The following PCDH15 variants were observed in gnomAD, a reference collection of about 807,000 sequenced individuals.
The protein encoded by PCDH15 is protocadherin-15.
Under a neutral mutation model 178.5 loss-of-function variants are expected in PCDH15, and 129 were observed. That is an observed-to-expected ratio of 0.72 (90% confidence interval 0.63 to 0.84). PCDH15 has a LOEUF of 0.84. PCDH15 is among the 40% of genes least tolerant of loss of function. The pLI, the probability that PCDH15 is intolerant of heterozygous loss-of-function variation, is 0.00. For synonymous variants in PCDH15, 800 were observed against 732.0 expected (o/e 1.09, Z -1.50); for missense variants, 2,230 against 2,099.9 (o/e 1.06, Z -1.21).
At chr10:55,493,638 G>A (rs908986197) in intron 2 of PCDH15, among the ~76,000 whole-genome samples, 18 of 151,690 alleles carry the variant, frequency 1.2e-4, no homozygotes, top group Non-Finnish European at 2.2e-4. Flanking sequence ...AGAAATATGT[G>A]ATCAAAAACT....
In PCDH15 at chr10:55,062,548, A is replaced by T. The variant is rs150353570; in HGVS notation, c.-80+104028T>A. Among the ~76,000 whole-genome samples, 365 of 152,294 alleles carry T rather than the reference A, an allele frequency of 2.4e-3. 2 individuals are homozygous for T. The highest frequency in any genetic ancestry group is 8.3e-3 in the African/African-American group (344 of 41,558). On this transcript the variant is annotated intron_variant, in intron 2 of 5. Coordinates refer to the PCDH15 transcript ENST00000458638. The stretch of plus-strand genomic sequence containing the variant: ...TGCTGGGAATGTCAAAACTATGGAG[A>T]CAGTGAAATGATCAGTAATTGCCTG...
intron 13 of PCDH15, among the ~76,000 whole-genome samples, chr10:54,161,196 T>C (rs2133441058): frequency 6.6e-6 from 1 of 152,348 alleles, no homozygotes; most frequent in East Asian, 1.9e-4. Flanking sequence ...AGATGGATTC[T>C]ATTAAGTAAC....
rs546520594 is a variant in PCDH15, at chr10:55,176,270, T to C, written c.-155-9619A>G. On this transcript the variant is annotated intron_variant, in intron 1 of 5. Coordinates refer to the PCDH15 transcript ENST00000458638. ...CATTAGTTGTAGTTGGGAAAACCTC[T>C]TGTTTACTCCTGCCTTTTAAATCAT... Among the ~76,000 whole-genome samples, 6 of 152,088 alleles carry C rather than the reference T, an allele frequency of 3.9e-5. 1 individual carries two copies. Among genetic ancestry groups the C allele is most frequent in the Middle Eastern group, 6.4e-3 (2 of 314 alleles).
intron 8 of PCDH15, among the ~76,000 whole-genome samples, chr10:54,298,760 G>T (rs1350216001): frequency 6.6e-6 from 1 of 152,156 alleles, no homozygotes; most frequent in South Asian, 2.1e-4. Flanking sequence ...ACTTCCTCCT[G>T]GACACTGGCA....
chr10:54,260,188 T>C (rs2057206282), intron 8 of PCDH15, among the ~76,000 whole-genome samples: 1 of 152,192 alleles, frequency 6.6e-6, no homozygotes, highest in Non-Finnish European at 1.5e-5. Context: ...GAATTTGATC[T>C]CTTAAAATTT....
intron 35 of PCDH15, 35 bp from the exon 36 acceptor site, chr10:53,811,654 G>T (rs868737139): frequency 1.4e-6 from 2 of 1,381,288 alleles, no homozygotes; most frequent in East Asian, 2.5e-5. Context: ...ATTTGAAAAC[G>T]AATTCTTATC....
chr10:54,637,708 G>A (rs887697138), intron 2 of PCDH15, among the ~76,000 whole-genome samples: 1 of 152,022 alleles, frequency 6.6e-6, no homozygotes, highest in African/African-American at 2.4e-5. Context: ...GCTATGTAAT[G>A]TAACATATTT....
chr10:55,339,620 G>A (rs971530757), intron 2 of PCDH15, among the ~76,000 whole-genome samples: 1 of 152,050 alleles, frequency 6.6e-6, no homozygotes, highest in Non-Finnish European at 1.5e-5. Flanking sequence ...AAATAACATT[G>A]AGAAATTAGA....
intron 1 of PCDH15, among the ~76,000 whole-genome samples, chr10:54,768,331 G>C (rs536272409): frequency 6.6e-6 from 1 of 152,196 alleles, no homozygotes; most frequent in Non-Finnish European, 1.5e-5. Flanking sequence ...GAATGAACAG[G>C]ACTACAAGAG....
chr10:54,853,312 T>TAC (rs1327737887), intron 3 of PCDH15, among the ~76,000 whole-genome samples: 3 of 128,332 alleles, frequency 2.3e-5, no homozygotes, highest in African/African-American at 6.3e-5. Context: ...TATATATATA[T>TAC]ATATATACAT....
At chr10:55,432,836 G>A (rs1330371454) in intron 2 of PCDH15, among the ~76,000 whole-genome samples, 2 of 151,636 alleles carry the variant, frequency 1.3e-5, no homozygotes, top group Non-Finnish European at 2.9e-5. Flanking sequence ...GTGTTAGCCA[G>A]GATGCTCTCG....
At chr10:54,113,455 G>C (rs1287169371) in intron 15 of PCDH15, among the ~76,000 whole-genome samples, 3 of 152,108 alleles carry the variant, frequency 2.0e-5, no homozygotes, top group Admixed American at 2.0e-4. Context: ...AGAACAGTGT[G>C]AATGTGCTCT....
chr10:54,329,452 G>T, intron 7 of PCDH15, 144 bp downstream of exon 7: 1 of 638,674 alleles, frequency 1.6e-6, no homozygotes, highest in Non-Finnish European at 2.8e-6. Flanking sequence ...ATCTATAAGA[G>T]TATTATATAT....
At chr10:55,596,355 G>C (rs764651130) in intron 2 of PCDH15, among the ~76,000 whole-genome samples, 76 of 151,898 alleles carry the variant, frequency 5.0e-4, no homozygotes, top group Non-Finnish European at 2.1e-4. Context: ...TTTTCAAACA[G>C]GGCTGAGTAT....
At chr10:54,135,035 C>G (rs2042784417) in intron 14 of PCDH15, among the ~76,000 whole-genome samples, 1 of 151,316 alleles carries the variant, frequency 6.6e-6, no homozygotes, top group East Asian at 2.0e-4. Flanking sequence ...GAAACCCCAT[C>G]TCGACTAAAA....
intron 2 of PCDH15, among the ~76,000 whole-genome samples, chr10:54,559,999 T>C (rs2087887244): frequency 6.6e-6 from 1 of 152,012 alleles, no homozygotes; most frequent in South Asian, 2.1e-4. Context: ...ATAATGTCTA[T>C]TGGGAAAAGA....
intron 2 of PCDH15, among the ~76,000 whole-genome samples, chr10:55,081,716 T>C (rs1842045625): frequency 6.6e-6 from 1 of 152,212 alleles, no homozygotes; most frequent in Admixed American, 6.6e-5. Context: ...CCTAATATGC[T>C]TGAGCCTTGA....
chr10:54,148,030 G>A (rs1001458821), intron 14 of PCDH15, among the ~76,000 whole-genome samples: 2 of 151,922 alleles, frequency 1.3e-5, no homozygotes, highest in Non-Finnish European at 2.9e-5. Context: ...GTTAATATTA[G>A]AAATTATATA....
chr10:54,676,445 A>T (rs1309111547), intron 1 of PCDH15, among the ~76,000 whole-genome samples: 1 of 152,182 alleles, frequency 6.6e-6, no homozygotes, highest in African/African-American at 2.4e-5. Flanking sequence ...AGCAGTGAAC[A>T]TAGCCACTAA....
Sources: allele counts gnomAD v4.1 joint callset (sites outside exome capture counted in the v4.1 genomes callset), GRCh38; gene constraint gnomAD v4.1.1; transcripts MANE v1.5; gene names NCBI Gene and HGNC (gene_info 2026-07-23, HGNC 2026-07-21).